The following ARHGEF3 variants were observed in gnomAD, a reference collection of about 807,000 sequenced individuals.
The protein encoded by ARHGEF3 is 59.8 kDA protein.
ARHGEF3 carries 28 observed loss-of-function variants against 63.2 expected under a neutral mutation model. The ratio of observed to expected loss-of-function variants is 0.44; its 90% CI spans 0.33 to 0.61. The LOEUF is 0.61. ARHGEF3 is among the 20% of genes least tolerant of loss of function. ARHGEF3 has a pLI of 0.03. For missense variants in ARHGEF3, 533 were observed against 659.3 expected, an observed-to-expected ratio of 0.81 and a Z score of 2.10; for synonymous variants, 266 against 254.2, an observed-to-expected ratio of 1.05 and a Z score of -0.44.
chr3:56,948,638 T>C (rs145784855), intron 3 of ARHGEF3, among the ~76,000 whole-genome samples: 17,542 of 152,084 alleles, frequency 0.12, 1,267 homozygotes, highest in East Asian at 0.25. Flanking sequence ...CAATAATTAA[T>C]AGCTTACCAA....
chr3:56,970,518 C>G (rs1700863235), intron 2 of ARHGEF3, among the ~76,000 whole-genome samples: 1 of 152,144 alleles, frequency 6.6e-6, no homozygotes, highest in Admixed American at 6.5e-5. Flanking sequence ...TTGAGTCACT[C>G]AACGATGATA....
chr3:56,904,714 A>C (rs867954485), intron 3 of ARHGEF3, among the ~76,000 whole-genome samples: 2 of 152,180 alleles, frequency 1.3e-5, no homozygotes, highest in South Asian at 4.1e-4. Flanking sequence ...TACAAAGAAC[A>C]TCTGTTTTGT....
At chr3:56,913,816 T>C (rs191223966) in intron 3 of ARHGEF3, among the ~76,000 whole-genome samples, 1 of 152,302 alleles carries the variant, frequency 6.6e-6, no homozygotes, top group Non-Finnish European at 1.5e-5. Context: ...GAAGTCATTA[T>C]ACGAAAAAGA....
At chr3:56,930,432 A>G (rs1206733513) in intron 3 of ARHGEF3, among the ~76,000 whole-genome samples, 1 of 152,168 alleles carries the variant, frequency 6.6e-6, no homozygotes, top group East Asian at 1.9e-4. Flanking sequence ...AAGCATAAGG[A>G]ATGAAAGGCA....
intron 2 of ARHGEF3, among the ~76,000 whole-genome samples, chr3:56,967,696 A>C (rs1167608813): frequency 2.7e-5 from 2 of 74,540 alleles, no homozygotes; most frequent in African/African-American, 1.1e-4. Flanking sequence ...ATATAACATA[A>C]TAAACATTAT....
At chr3:56,755,173 C>A (rs1026103103) in intron 2 of ARHGEF3, 22 bp from the exon 3 acceptor site, 1 of 1,609,542 alleles carries the variant, frequency 6.2e-7, no homozygotes, top group Non-Finnish European at 8.5e-7. Context: ...GAAAAACAAA[C>A]CATCACGGGG....
chr3:57,015,634 G>T, intron 2 of ARHGEF3, among the ~76,000 whole-genome samples: 1 of 143,322 alleles, frequency 7.0e-6, no homozygotes. Flanking sequence ...TACAAACGAA[G>T]TCTAGTTATG....
intron 3 of ARHGEF3, among the ~76,000 whole-genome samples, chr3:56,920,941 G>T (rs2042114159): frequency 6.6e-6 from 1 of 151,110 alleles, no homozygotes; most frequent in Non-Finnish European, 1.5e-5. Flanking sequence ...TGTAGTCCCA[G>T]CTACTCAGGA....
intron 3 of ARHGEF3, among the ~76,000 whole-genome samples, chr3:56,754,558 T>C (rs938242302): frequency 6.6e-6 from 1 of 152,228 alleles, no homozygotes; most frequent in Non-Finnish European, 1.5e-5. Flanking sequence ...CAGAGTCATT[T>C]AGGGCAACTG....
chr3:57,017,032 T>TCTCTCTCTCTCACA lies in ARHGEF3; in HGVS notation c.62+18055_62+18056insTGTGAGAGAGAGAG, dbSNP rs1221332567. ...CTCTCTCTCTCTCTCTCTCTCTCTC[T>TCTCTCTCTCTCACA]CACACACACACACACACACACACAC... On this transcript the variant is annotated intron_variant, in intron 2 of 12. Transcript: ENST00000338458. Among the ~76,000 whole-genome samples the TCTCTCTCTCTCACA allele has an allele frequency of 8.0e-4, 83 of 104,388 alleles. No individual in the cohort carries two copies. In the East Asian group the frequency reaches 0.012, roughly 15 times the overall value. 68.5% of individuals were successfully genotyped at this position (104,388 alleles called of 152,430 possible).
chr3:56,957,714 A>G lies in ARHGEF3; in HGVS notation c.129+1109T>C, dbSNP rs923832827. 5.3e-5 allele frequency among the ~76,000 whole-genome samples: 8 copies of G among 152,178 alleles called. 1 individual carries two copies. The highest frequency in any genetic ancestry group is 2.6e-4 in the Admixed American group (4 of 15,272). ...CCAAGAGGAGGTGATGTCAAGGCTG[A>G]GACCCAGTGGGTAAAGTGTGTGGGC... On this transcript the variant is annotated intron_variant, in intron 3 of 12. Transcript: ENST00000338458.
intron 2 of ARHGEF3, among the ~76,000 whole-genome samples, chr3:57,003,272 G>A (rs193144473): frequency 8.7e-4 from 132 of 151,284 alleles, no homozygotes; most frequent in African/African-American, 2.9e-3. Flanking sequence ...GTGTGGCGGC[G>A]CACTCCTGTA....
intron 4 of ARHGEF3, among the ~76,000 whole-genome samples, chr3:56,865,513 A>C (rs2108205546): frequency 6.6e-6 from 1 of 152,294 alleles, no homozygotes; most frequent in Middle Eastern, 3.4e-3. Flanking sequence ...ATAATATTCA[A>C]ATTTGTGAAA....
At chr3:57,064,152 C>T (rs916503211) in intron 1 of ARHGEF3, among the ~76,000 whole-genome samples, 2 of 151,980 alleles carry the variant, frequency 1.3e-5, no homozygotes, top group African/African-American at 4.8e-5. Context: ...GCCTGTAGTC[C>T]CAGCTAACCC....
intron 3 of ARHGEF3, among the ~76,000 whole-genome samples, chr3:56,901,700 C>T (rs1040629189): frequency 3.3e-5 from 5 of 151,802 alleles, no homozygotes; most frequent in African/African-American, 7.3e-5. Context: ...CCTTCCTCCT[C>T]AGCCTCTCGA....
At chr3:56,774,929 A>C (rs12330845) in intron 1 of ARHGEF3, 155,980 of 907,094 alleles carry the variant, frequency 0.17, 14,853 homozygotes, top group African/African-American at 0.54. Context: ...ACAACAACAA[A>C]AAAAAAACAG....
intron 4 of ARHGEF3, among the ~76,000 whole-genome samples, chr3:56,841,602 T>C (rs766143375): frequency 1.3e-5 from 2 of 152,166 alleles, no homozygotes; most frequent in African/African-American, 2.4e-5. Context: ...TCTAAGTCTT[T>C]AGTTACATAG....
chr3:56,886,367 C>T (rs113592075), intron 3 of ARHGEF3, among the ~76,000 whole-genome samples: 106 of 152,214 alleles, frequency 7.0e-4, no homozygotes, highest in African/African-American at 2.5e-3. Context: ...AATTGCCCAA[C>T]TCGAGAGGGC....
chr3:57,065,078 G>C (rs1245859811), intron 1 of ARHGEF3, among the ~76,000 whole-genome samples: 1 of 152,236 alleles, frequency 6.6e-6, no homozygotes, highest in African/African-American at 2.4e-5. Flanking sequence ...AGAGGGTTCT[G>C]CTGTTTTTAA....
Sources: gnomAD v4.1 joint callset for allele counts (sites outside exome capture counted in the v4.1 genomes callset) on GRCh38, gnomAD v4.1.1 for gene constraint, MANE v1.5 for transcripts, NCBI Gene and HGNC (gene_info 2026-07-23, HGNC 2026-07-21) for gene names.